Variants in LOC128462377 observed in about 807,000 individuals in gnomAD.
At chr16:89,363,349 C>A in the LOC128462377 span, among the ~76,000 whole-genome samples, 2 of 152,058 alleles carry the variant, frequency 1.3e-5, no homozygotes, top group Admixed American at 1.3e-4. Context: ...AAGATTCAGT[C>A]TGCATTAGGA....
chr16:89,329,203 TCTGTCGGTGG>T, the LOC128462377 span, among the ~76,000 whole-genome samples: 1 of 152,210 alleles, frequency 6.6e-6, no homozygotes, highest in South Asian at 2.1e-4. Context: ...AGGGCTCATG[TCTGTCGGTGG>T]CTGTCGAGGA....
At chr16:89,400,830 T>C in the LOC128462377 span, among the ~76,000 whole-genome samples, 231 of 151,102 alleles carry the variant, frequency 1.5e-3, 1 homozygote, top group African/African-American at 5.4e-3. Flanking sequence ...CGCTGGAGGC[T>C]GGTCATCTGA....
the LOC128462377 span, among the ~76,000 whole-genome samples, chr16:89,395,215 A>T: frequency 6.6e-6 from 1 of 152,262 alleles, no homozygotes; most frequent in Non-Finnish European, 1.5e-5. Flanking sequence ...CAGCGTCTTA[A>T]CAGAAAGAAT....
the LOC128462377 span, among the ~76,000 whole-genome samples, chr16:89,345,428 G>A: frequency 6.6e-6 from 1 of 152,170 alleles, no homozygotes; most frequent in Non-Finnish European, 1.5e-5. Flanking sequence ...GCACTGGGAG[G>A]CAGTCCCGTC....
chr16:89,337,193 A>G, the LOC128462377 span, among the ~76,000 whole-genome samples: 1 of 151,768 alleles, frequency 6.6e-6, no homozygotes, highest in Non-Finnish European at 1.5e-5. Flanking sequence ...CTCAAAAAAC[A>G]AAAAACAAAA....
the LOC128462377 span, among the ~76,000 whole-genome samples, chr16:89,384,879 C>CCTTTTTTTTTTTTTTTTTTTTTT: frequency 2.0e-5 from 1 of 49,910 alleles, no homozygotes; most frequent in African/African-American, 7.9e-5. Flanking sequence ...AAATAGTTTT[C>CCTTTTTTTTTTTTTTTTTTTTTT]TTTTTTTTTT....
At chr16:89,403,435 C>T in the LOC128462377 span, among the ~76,000 whole-genome samples, 9 of 152,100 alleles carry the variant, frequency 5.9e-5, no homozygotes, top group Non-Finnish European at 1.2e-4. Flanking sequence ...GAACCCAAGT[C>T]CCGAGGAAGT....
At chr16:89,408,676 T>G in the LOC128462377 span, among the ~76,000 whole-genome samples, 1 of 146,966 alleles carries the variant, frequency 6.8e-6, no homozygotes, top group Admixed American at 6.7e-5. Flanking sequence ...CCACCCTCCC[T>G]AGAGTCCAGC....
chr16:89,379,313 A>T, the LOC128462377 span, among the ~76,000 whole-genome samples: 2 of 152,226 alleles, frequency 1.3e-5, no homozygotes, highest in African/African-American at 4.8e-5. Flanking sequence ...CCTAAGTGGA[A>T]CAACAATTTT....
chr16:89,330,080 T>TAATAATGTTTAAAATGATTTA, the LOC128462377 span, among the ~76,000 whole-genome samples: 1 of 152,184 alleles, frequency 6.6e-6, no homozygotes, highest in Non-Finnish European at 1.5e-5. Flanking sequence ...ATAAACATTT[T>TAATAATGTTTAAAATGATTTA]AATAATGTTT....
chr16:89,389,617 CAGA>C, the LOC128462377 span, among the ~76,000 whole-genome samples: 2 of 152,194 alleles, frequency 1.3e-5, no homozygotes, highest in Non-Finnish European at 2.9e-5. Context: ...GTGGGATTCA[CAGA>C]AGAACAGGCA....
the LOC128462377 span, among the ~76,000 whole-genome samples, chr16:89,404,159 C>A: frequency 1.3e-5 from 2 of 152,272 alleles, no homozygotes; most frequent in South Asian, 4.1e-4. Flanking sequence ...GTCATGGACA[C>A]AGCCCACAGG....
the LOC128462377 span, among the ~76,000 whole-genome samples, chr16:89,323,538 T>A: frequency 2.0e-3 from 55 of 27,740 alleles, 2 homozygotes; most frequent in African/African-American, 6.8e-3. Context: ...GCAGGGGGGC[T>A]GAGCCGAGGG....
chr16:89,341,332 CA>C, the LOC128462377 span, among the ~76,000 whole-genome samples: 119 of 152,284 alleles, frequency 7.8e-4, no homozygotes, highest in Middle Eastern at 3.4e-3. Flanking sequence ...ATCAGGCAAT[CA>C]AACCAAAAGG....
chr16:89,366,248 G>T, the LOC128462377 span, among the ~76,000 whole-genome samples: 5 of 151,958 alleles, frequency 3.3e-5, no homozygotes, highest in Non-Finnish European at 7.4e-5. Context: ...ATGCTCATGT[G>T]GATTCCATGT....
chr16:89,359,829 G>A, the LOC128462377 span, among the ~76,000 whole-genome samples: 1 of 152,182 alleles, frequency 6.6e-6, no homozygotes, highest in Non-Finnish European at 1.5e-5. Context: ...CAATTCTTGT[G>A]TAAAAGCTAC....
chr16:89,355,543 G>C, the LOC128462377 span, among the ~76,000 whole-genome samples: 1 of 152,122 alleles, frequency 6.6e-6, no homozygotes, highest in Admixed American at 6.6e-5. Flanking sequence ...TGCTCTGAAC[G>C]CTCTCTCTTC....
At chr16:89,318,362 C>T in the LOC128462377 span, among the ~76,000 whole-genome samples, 1 of 152,230 alleles carries the variant, frequency 6.6e-6, no homozygotes, top group East Asian at 1.9e-4. Flanking sequence ...AGCCACTGTC[C>T]CCCCATCATG....
the LOC128462377 span, among the ~76,000 whole-genome samples, chr16:89,387,814 C>A: frequency 4.6e-5 from 7 of 151,190 alleles, no homozygotes; most frequent in African/African-American, 1.2e-4. Flanking sequence ...ACCAGCCTGG[C>A]CAACATGGTG....
Sources: allele counts gnomAD v4.1 joint callset (sites outside exome capture counted in the v4.1 genomes callset), GRCh38; gene constraint gnomAD v4.1.1; transcripts MANE v1.5.